The following ACAD9 variants were observed in gnomAD, a reference collection of about 807,000 sequenced individuals.
ACAD9 encodes the protein complex I assembly factor ACAD9, mitochondrial.
In ACAD9, 53 loss-of-function variants were observed where a neutral mutation model predicts 70.2. That is an observed-to-expected ratio of 0.75 (90% CI 0.61 to 0.95). The LOEUF (loss-of-function observed/expected upper bound fraction) is 0.95. Among genes scored for constraint, ACAD9 ranks in the 40% least tolerant of loss-of-function variants. ACAD9 has a pLI of 0.00. For missense variants in ACAD9, 777 were observed against 802.8 expected (o/e 0.97, Z 0.39); for synonymous variants, 313 against 312.1 (o/e 1.00, Z -0.03).
intron 17 of ACAD9, among the ~76,000 whole-genome samples, chr3:128,912,293 A>G (rs1419659189): frequency 6.6e-6 from 1 of 152,136 alleles, no homozygotes; most frequent in Non-Finnish European, 1.5e-5. Context: ...GTTAGAGATG[A>G]GCAGGATGAG....
At chr3:128,897,611 C>G in intron 5 of ACAD9, 21 bp from the exon 6 acceptor site, 1 of 1,609,406 alleles carries the variant, frequency 6.2e-7, no homozygotes, top group African/African-American at 1.3e-5. Context: ...CTCCCTTGAC[C>G]ACATCTTTCT....
chr3:128,884,526 T>G, intron 1 of ACAD9, 127 bp from the exon 2 acceptor site: 1 of 691,880 alleles, frequency 1.4e-6, no homozygotes, highest in African/African-American at 1.8e-5. Context: ...TCCAGTTCCT[T>G]CAGTACGTCA....
In ACAD9 at chr3:128,887,652, T is replaced by C. The variant is rs201785730; in HGVS notation, c.244+2906T>C. On this transcript the variant is annotated intron_variant, in intron 2 of 17. Coordinates refer to ENST00000308982, the MANE Select transcript of ACAD9 (RefSeq NM_014049.5). Reference sequence around the variant, plus strand: ...AAATAAAAAAATAAATAAATATATATATATATATATATATATGCAAGAAAC... The same window carrying C: ...AAATAAAAAAATAAATAAATATATACATATATATATATATATGCAAGAAAC... Among the ~76,000 whole-genome samples, 3 of 118,084 alleles carry C rather than the reference T, an allele frequency of 2.5e-5. No homozygotes were observed. The East Asian group carries it at 6.9e-4, about 27-fold the overall frequency. The allele number at this position is 118,084 out of a possible 152,430, so 77.5% of individuals were successfully genotyped here.
chr3:128,902,230 A>G lies in ACAD9; in HGVS notation c.883-323A>G, dbSNP rs560639914. ...GGTATTTTGATTTATGCCTAAAAGT[A>G]GAATTTCTGTTTGGCCCAAGTTGGT... On this transcript the variant is annotated intron_variant, in intron 8 of 17. Transcript: ENST00000308982. The surrounding 1 kb of genome is among the most constrained non-coding windows in gnomAD (Gnocchi z 4.0). Among the ~76,000 whole-genome samples the G allele has an allele frequency of 3.9e-4, 60 of 152,376 alleles. No homozygotes were observed. Among genetic ancestry groups the G allele is most frequent in the Middle Eastern group, 6.8e-3 (2 of 294 alleles).
chr3:128,909,722 T>TGGTG (rs906956396), intron 15 of ACAD9: 1 of 600,048 alleles, frequency 1.7e-6, no homozygotes, highest in African/African-American at 1.9e-5. Context: ...GGGACCTGAT[T>TGGTG]GGTGGGGCCC....
At position 128,899,282 on chromosome 3, in the gene ACAD9, C is replaced by T. The variant is rs202115420; in HGVS notation, c.634-5C>T. The T allele has an allele frequency of 4.3e-6, 7 of 1,614,132 alleles. No homozygotes were observed. The highest frequency in any genetic ancestry group is 5.9e-6 in the Non-Finnish European group (7 of 1,180,008). On this transcript the variant is annotated splice_region_variant and splice_polypyrimidine_tract_variant and intron_variant, in intron 6 of 17. Transcript: ENST00000308982. ...TTTCTCCAAAGTCCATCTTTCTGTC[C>T]TCAGGTCTGGATTACTAATGGAGGA...
intron 11 of ACAD9, 71 bp downstream of exon 11, chr3:128,904,576 A>C: frequency 6.4e-7 from 1 of 1,567,294 alleles, no homozygotes. Flanking sequence ...GTGACCTTTC[A>C]AGCCCATGCT....
At chr3:128,899,488 CGT>C (rs150475857) in intron 7 of ACAD9, 27 bp downstream of exon 7, 55 of 1,577,066 alleles carry the variant, frequency 3.5e-5, no homozygotes, top group South Asian at 5.6e-5. Context: ...CGCGCGTGCG[CGT>C]GTGTGTGTGT....
intron 1 of ACAD9, among the ~76,000 whole-genome samples, chr3:128,882,812 C>T (rs116430492): frequency 6.6e-6 from 1 of 152,230 alleles, no homozygotes. Flanking sequence ...GAACTCTCCT[C>T]CCCTAAGGCA....
intron 5 of ACAD9, among the ~76,000 whole-genome samples, chr3:128,896,895 GGCT>G (rs1286800081): frequency 6.6e-6 from 1 of 152,182 alleles, no homozygotes; most frequent in Non-Finnish European, 1.5e-5. Context: ...GGTTCAGTGA[GGCT>G]GTGTGATCTG....
chr3:128,902,721 G>C lies in ACAD9; in HGVS notation c.958+93G>C. On this transcript the variant is annotated intron_variant, in intron 9 of 17. Transcript: ENST00000308982. The surrounding 1 kb of genome is among the most constrained non-coding windows in gnomAD (Gnocchi z 4.0). ...TCTGCCATTCCCCCGGCCCCTTCCA[G>C]GCCAGTGCTGAACCAGGCTACCAGC... 5 of 1,405,200 alleles carry C rather than the reference G, an allele frequency of 3.6e-6. 1 individual carries two copies. The South Asian group carries it at 6.1e-5, about 17-fold the overall frequency. 87.0% of individuals were successfully genotyped at this position (1,405,200 alleles called of 1,614,324 possible).
Position 128,908,187 on chromosome 3 carries a change from A to G in ACAD9, c.1281A>G (p.Gly427=). 6.2e-7 allele frequency: 1 copy of G among 1,614,116 alleles called. No homozygotes were observed. Among genetic ancestry groups the G allele is most frequent in the Non-Finnish European group, 8.5e-7 (1 of 1,180,014 alleles). Reference sequence around the variant, plus strand: ...GACCTCTACACTACTGACCACAGGGAACCAATGAGATTCTCCGGATGTACA... The same window carrying G: ...GACCTCTACACTACTGACCACAGGGGACCAATGAGATTCTCCGGATGTACA... The part of the protein sequence containing the change: ...RDTRILLIFE[G]TNEILRMYIA... The change falls in exon 13 of 18, where the codon GGA becomes GGG. Residue 427 remains glycine, a splice_region_variant and synonymous_variant. Coordinates refer to ENST00000308982, the MANE Select transcript of ACAD9 (RefSeq NM_014049.5).
At chr3:128,886,714 GAA>G (rs1162374201) in intron 2 of ACAD9, among the ~76,000 whole-genome samples, 1 of 90,136 alleles carries the variant, frequency 1.1e-5, no homozygotes, top group Non-Finnish European at 2.4e-5. Flanking sequence ...GTCTCAAAAA[GAA>G]AAAAAAAAGA....
intron 9 of ACAD9, 110 bp from the exon 10 acceptor site, chr3:128,903,952 C>A: frequency 8.6e-7 from 1 of 1,168,874 alleles, no homozygotes; most frequent in Non-Finnish European, 1.3e-6. Flanking sequence ...TCAGCAGACA[C>A]GCTTCTCACA....
chr3:128,882,860 G>A (rs150202766), intron 1 of ACAD9, among the ~76,000 whole-genome samples: 46 of 152,160 alleles, frequency 3.0e-4, no homozygotes, highest in African/African-American at 1.0e-3. Flanking sequence ...TTTCTCCCAC[G>A]CCCCTGCAAT....
chr3:128,892,609 A>G (rs1249023212), intron 2 of ACAD9, among the ~76,000 whole-genome samples: 1 of 152,184 alleles, frequency 6.6e-6, no homozygotes, highest in Admixed American at 6.6e-5. Flanking sequence ...GAGCTTACTC[A>G]ACCTCCCAGG....
chr3:128,903,953 G>T, intron 9 of ACAD9, 109 bp from the exon 10 acceptor site: 1 of 1,166,328 alleles, frequency 8.6e-7, no homozygotes, highest in Non-Finnish European at 1.3e-6. Flanking sequence ...CAGCAGACAC[G>T]CTTCTCACAG....
At position 128,902,749 on chromosome 3, in the gene ACAD9, G is replaced by T; in HGVS notation, c.958+121G>T. The T allele has an allele frequency of 8.7e-7, 1 of 1,147,932 alleles. No individual in the cohort carries two copies. Among genetic ancestry groups the T allele is most frequent in the Non-Finnish European group, 1.3e-6 (1 of 780,550 alleles). The allele number at this position is 1,147,932 out of a possible 1,614,324, so 71.1% of individuals were successfully genotyped here. Reference sequence around the variant, plus strand: ...CAGTGCTGAACCAGGCTACCAGCCTGAGCTCAGTCCCTGGGCTTTTGTGGA... The same window carrying T: ...CAGTGCTGAACCAGGCTACCAGCCTTAGCTCAGTCCCTGGGCTTTTGTGGA... On this transcript the variant is annotated intron_variant, in intron 9 of 17. Transcript: ENST00000308982. The surrounding 1 kb of genome is among the most constrained non-coding windows in gnomAD (Gnocchi z 4.0).
chr3:128,894,612 G>A (rs1013411841), intron 3 of ACAD9, among the ~76,000 whole-genome samples: 1 of 147,206 alleles, frequency 6.8e-6, no homozygotes, highest in African/African-American at 2.5e-5. Flanking sequence ...ATAGCTCACT[G>A]TAGCCCTGAA....
Sources: allele counts gnomAD v4.1 joint callset (sites outside exome capture counted in the v4.1 genomes callset), GRCh38; gene constraint gnomAD v4.1.1; non-coding constraint Gnocchi (gnomAD v3.1); transcripts MANE v1.5; gene names NCBI Gene and HGNC (gene_info 2026-07-23, HGNC 2026-07-21).